The following PKN2 variants were observed in gnomAD, a reference collection of about 807,000 sequenced individuals.
PKN2 encodes serine/threonine-protein kinase N2.
In PKN2, 38 loss-of-function variants were observed where a neutral mutation model predicts 119.1. The ratio of observed to expected loss-of-function variants is 0.32; its 90% CI spans 0.25 to 0.42. PKN2 has a LOEUF of 0.42. PKN2 is among the 10% of genes least tolerant of loss of function. The probability of loss-of-function intolerance (pLI) is 1.00; values close to 1 mark genes in which losing one functional copy is unlikely to be tolerated. For missense variants in PKN2, 850 were observed against 1,165.1 expected, an observed-to-expected ratio of 0.73 and a Z score of 3.94; for synonymous variants, 390 against 384.9, an observed-to-expected ratio of 1.01 and a Z score of -0.15.
At chr1:88,794,599 A>G (rs778298220) in intron 8 of PKN2, among the ~76,000 whole-genome samples, 5 of 152,164 alleles carry the variant, frequency 3.3e-5, no homozygotes, top group Non-Finnish European at 5.9e-5. Flanking sequence ...AAACCCTTTC[A>G]TTAATTAGCT....
intron 6 of PKN2, among the ~76,000 whole-genome samples, chr1:88,784,349 C>T (rs1670482976): frequency 6.6e-6 from 1 of 151,854 alleles, no homozygotes; most frequent in South Asian, 2.1e-4. Flanking sequence ...TCTCAAACTC[C>T]TAAATTCAGG....
At chr1:88,768,356 A>G (rs142472032) in intron 3 of PKN2, among the ~76,000 whole-genome samples, 34 of 152,322 alleles carry the variant, frequency 2.2e-4, no homozygotes, top group African/African-American at 6.7e-4. Context: ...GATGTAGGGC[A>G]GAATGTTTCC....
intron 1 of PKN2, among the ~76,000 whole-genome samples, chr1:88,704,063 A>G (rs1477011686): frequency 6.6e-6 from 1 of 152,206 alleles, no homozygotes; most frequent in Admixed American, 6.5e-5. Context: ...GCTGATAACA[A>G]CTGTGAAACT....
At chr1:88,737,235 A>G (rs1668386752) in intron 1 of PKN2, among the ~76,000 whole-genome samples, 1 of 152,132 alleles carries the variant, frequency 6.6e-6, no homozygotes, top group South Asian at 2.1e-4. Flanking sequence ...TTTGTGGCTC[A>G]AGTCCACTGC....
intron 2 of PKN2, among the ~76,000 whole-genome samples, chr1:88,752,013 G>A (rs1034908465): frequency 2.6e-5 from 4 of 152,072 alleles, no homozygotes; most frequent in African/African-American, 9.7e-5. Flanking sequence ...TAATGGCGTA[G>A]ATTTCGTTTC....
chr1:88,705,531 A>T (rs938779222), intron 1 of PKN2, among the ~76,000 whole-genome samples: 8 of 74,564 alleles, frequency 1.1e-4, no homozygotes, highest in African/African-American at 7.9e-4. Flanking sequence ...GTCTCTACTA[A>T]AAATACAAAA....
chr1:88,823,525 A>C, intron 17 of PKN2, among the ~76,000 whole-genome samples: 1 of 151,654 alleles, frequency 6.6e-6, no homozygotes, highest in Middle Eastern at 3.2e-3. Flanking sequence ...AACATGGTGA[A>C]AACCCATCTC....
chr1:88,774,989 G>A (rs1030493035), intron 6 of PKN2, among the ~76,000 whole-genome samples: 24 of 152,138 alleles, frequency 1.6e-4, no homozygotes, highest in East Asian at 5.8e-4. Flanking sequence ...GATTATAGGC[G>A]TGAGCCACTA....
intron 20 of PKN2, 84 bp from the exon 21 acceptor site, chr1:88,832,993 C>T (rs1672792294): frequency 7.4e-7 from 1 of 1,352,194 alleles, no homozygotes; most frequent in Non-Finnish European, 1.0e-6. Context: ...CAAAATATAT[C>T]TAAGTTTTTT....
At chr1:88,805,103 T>TCAC (rs1358147179) in intron 10 of PKN2, among the ~76,000 whole-genome samples, 182 bp downstream of exon 10, 3 of 152,166 alleles carry the variant, frequency 2.0e-5, no homozygotes, top group Non-Finnish European at 4.4e-5. Flanking sequence ...AAATGTACAG[T>TCAC]CACCCGGCTT....
At chr1:88,686,787 G>C (rs549307130) in intron 1 of PKN2, among the ~76,000 whole-genome samples, 26 of 152,142 alleles carry the variant, frequency 1.7e-4, no homozygotes, top group Middle Eastern at 3.4e-3. Flanking sequence ...CTGAAACTTA[G>C]TGTACAGCAA....
chr1:88,722,043 G>A (rs1338888067), intron 1 of PKN2, among the ~76,000 whole-genome samples: 1 of 152,172 alleles, frequency 6.6e-6, no homozygotes, highest in Non-Finnish European at 1.5e-5. Flanking sequence ...ATTGATCAGT[G>A]GCATGGTGAT....
chr1:88,733,122 G>A (rs905688795), intron 1 of PKN2, among the ~76,000 whole-genome samples: 4 of 152,190 alleles, frequency 2.6e-5, no homozygotes, highest in African/African-American at 9.7e-5. Context: ...CCATATCTTG[G>A]CTATTGTGAA....
chr1:88,707,892 A>G (rs72953619), intron 1 of PKN2, among the ~76,000 whole-genome samples: 1,966 of 152,248 alleles, frequency 0.013, 43 homozygotes, highest in African/African-American at 0.045. Context: ...AAAGTAATCC[A>G]TATGTAACTT....
intron 2 of PKN2, among the ~76,000 whole-genome samples, chr1:88,756,643 A>G (rs1321784933): frequency 6.6e-6 from 1 of 152,232 alleles, no homozygotes; most frequent in Non-Finnish European, 1.5e-5. Flanking sequence ...AATTCTGTGT[A>G]ATTTACACTT....
chr1:88,751,377 TACACACACACAC>T (rs34210018), intron 2 of PKN2, among the ~76,000 whole-genome samples: 5 of 146,580 alleles, frequency 3.4e-5, no homozygotes, highest in African/African-American at 9.9e-5. Flanking sequence ...TATTTACACA[TACACACACACAC>T]ACACACACAC....
chr1:88,806,620 T>C (rs786907), intron 12 of PKN2, among the ~76,000 whole-genome samples: 109,846 of 152,162 alleles, frequency 0.72, 40,900 homozygotes, highest in African/African-American at 0.91. Context: ...CTAGAGGTAA[T>C]ATAGGAGTGT....
chr1:88,767,310 A>G (rs564084181), intron 3 of PKN2, among the ~76,000 whole-genome samples: 4 of 152,338 alleles, frequency 2.6e-5, no homozygotes, highest in East Asian at 1.9e-4. Context: ...CCAAGTTTAT[A>G]TATAATAAGA....
Position 88,771,543 on chromosome 1 carries a change from A to G in PKN2, c.745A>G (p.Thr249Ala). Residue 249 changes from threonine to alanine, a missense_variant, in exon 5 of 22, where the codon ACA (threonine) becomes GCA (alanine). Thr to Ala is a moderately conservative substitution (Grantham distance 58). Coordinates refer to ENST00000370521, the MANE Select transcript of PKN2 (RefSeq NM_006256.4). ...GAAATTACTTGGCTCAGGAAAAGTAACAGACAGAAAAGCACTTTCAGAAGT... is the reference window on the plus strand; with the variant it reads ...GAAATTACTTGGCTCAGGAAAAGTAGCAGACAGAAAAGCACTTTCAGAAGT... ...VMKLLGSGKV[T>A]DRKALSEAQA... 2 of 1,598,366 alleles carry G rather than the reference A, an allele frequency of 1.3e-6. No individual in the cohort carries two copies. Among genetic ancestry groups the G allele is most frequent in the Non-Finnish European group, 1.7e-6 (2 of 1,174,962 alleles).
Sources: gnomAD v4.1 joint callset for allele counts (sites outside exome capture counted in the v4.1 genomes callset) on GRCh38, gnomAD v4.1.1 for gene constraint, MANE v1.5 for transcripts, NCBI Gene and HGNC (gene_info 2026-07-23, HGNC 2026-07-21) for gene names.